Variants in MMS22L observed in about 807,000 individuals in gnomAD.
MMS22L encodes protein MMS22-like.
A neutral mutation model predicts 159.1 loss-of-function variants in MMS22L; 74 were observed. The ratio of observed to expected loss-of-function variants is 0.47; its 90% CI spans 0.39 to 0.56. MMS22L has a LOEUF of 0.56. MMS22L is among the 20% of genes least tolerant of loss of function. The pLI is 0.00. For synonymous variants in MMS22L, 517 were observed against 506.9 expected, an observed-to-expected ratio of 1.02 and a Z score of -0.27; for missense variants, 1,351 against 1,422.1, an observed-to-expected ratio of 0.95 and a Z score of 0.80.
At chr6:97,152,699 C>T (rs189664998) in intron 22 of MMS22L, among the ~76,000 whole-genome samples, 8 of 151,964 alleles carry the variant, frequency 5.3e-5, no homozygotes, top group Non-Finnish European at 1.2e-4. Flanking sequence ...CGATGAGGCT[C>T]GTGGCTAAGG....
intron 13 of MMS22L, among the ~76,000 whole-genome samples, chr6:97,229,748 T>C (rs1466841334): frequency 6.6e-6 from 1 of 152,198 alleles, no homozygotes; most frequent in Admixed American, 6.5e-5. Flanking sequence ...AAAGAATATA[T>C]AATCTTTTAA....
At chr6:97,245,882 C>G (rs1812575326) in intron 11 of MMS22L, 1 of 197,432 alleles carries the variant, frequency 5.1e-6, no homozygotes, top group African/African-American at 2.7e-5. Context: ...CACACACACA[C>G]ACACACACAT....
chr6:97,195,178 G>C (rs969267162), intron 14 of MMS22L, among the ~76,000 whole-genome samples: 2 of 152,154 alleles, frequency 1.3e-5, no homozygotes, highest in Admixed American at 6.5e-5. Flanking sequence ...CAGGTATATG[G>C]GGAAGAATAT....
At chr6:97,231,717 T>G (rs1484434351) in intron 12 of MMS22L, 65 bp from the exon 13 acceptor site, 4 of 1,177,272 alleles carry the variant, frequency 3.4e-6, no homozygotes, top group Non-Finnish European at 4.9e-6. Context: ...AATGGTAAGC[T>G]GCAAATCCCA....
chr6:97,273,994 C>A (rs1039978475), intron 4 of MMS22L, among the ~76,000 whole-genome samples: 1 of 152,124 alleles, frequency 6.6e-6, no homozygotes, highest in Non-Finnish European at 1.5e-5. Flanking sequence ...AAGCTCTGAA[C>A]GACCTTTTAA....
At chr6:97,207,921 G>A (rs980566519) in intron 14 of MMS22L, among the ~76,000 whole-genome samples, 1 of 152,046 alleles carries the variant, frequency 6.6e-6, no homozygotes, top group African/African-American at 2.4e-5. Flanking sequence ...ATATCCTTAG[G>A]GTGATAAGGT....
At chr6:97,196,202 A>T (rs1017776986) in intron 14 of MMS22L, among the ~76,000 whole-genome samples, 14 of 152,180 alleles carry the variant, frequency 9.2e-5, no homozygotes, top group African/African-American at 3.4e-4. Flanking sequence ...CTTTCAAAGA[A>T]TGTACAGTTA....
At chr6:97,148,491 A>G (rs996213948) in intron 24 of MMS22L, among the ~76,000 whole-genome samples, 1 of 152,054 alleles carries the variant, frequency 6.6e-6, no homozygotes, top group Admixed American at 6.6e-5. Flanking sequence ...GAGGTGGAAG[A>G]CAGTGATGTT....
At chr6:97,228,805 A>G in intron 14 of MMS22L, 89 bp downstream of exon 14, 1 of 1,239,808 alleles carries the variant, frequency 8.1e-7, no homozygotes. Context: ...GTGTATTTGT[A>G]TATATGCATA....
At position 97,181,960 on chromosome 6, in the gene MMS22L, A is replaced by G; in HGVS notation, c.2328T>C (p.Asp776=). 1 of 1,613,830 alleles carries G rather than the reference A, an allele frequency of 6.2e-7. No homozygotes were observed. The highest frequency in any genetic ancestry group is 8.5e-7 in the Non-Finnish European group (1 of 1,179,786). ...CTACAACTTGAGGGCAGATGATATCATCCCAACCAAAAAGTTGAATAATTG... is the reference window on the plus strand; with the variant it reads ...CTACAACTTGAGGGCAGATGATATCGTCCCAACCAAAAAGTTGAATAATTG... ...VISIIQLFGW[D]DIICPQVVAR... Residue 776 remains aspartate, a synonymous_variant, in exon 16 of 25, where the codon GAT becomes GAC. Transcript: ENST00000683635.
At chr6:97,223,082 A>T (rs1019469823) in intron 14 of MMS22L, among the ~76,000 whole-genome samples, 1 of 152,112 alleles carries the variant, frequency 6.6e-6, no homozygotes, top group Non-Finnish European at 1.5e-5. Flanking sequence ...ATCAGCAATA[A>T]AGAATGCTCT....
rs768300995 is a variant in MMS22L, at chr6:97,151,845, G to T, written c.3408C>A (p.Asn1136Lys). 4 of 1,613,562 alleles carry T rather than the reference G, an allele frequency of 2.5e-6. No individual in the cohort carries two copies. The highest frequency in any genetic ancestry group is 3.4e-6 in the Non-Finnish European group (4 of 1,179,640). ...EPQVKRLATE[N>K]LQYMVKACQV... ...GGCAGGCTTTTACCATGTATTGCAG[G>T]TTCTCTGTGGCCAGCCTTTTAACTA... The change falls in exon 23 of 25, where the codon AAC becomes AAA. Residue 1136 changes from asparagine (N) to lysine (K), a missense_variant. Physicochemically the swap from Asn to Lys is moderately conservative, Grantham distance 94. Transcript: ENST00000683635.
chr6:97,232,656 C>T (rs1314477390), intron 12 of MMS22L, among the ~76,000 whole-genome samples: 5 of 152,172 alleles, frequency 3.3e-5, no homozygotes, highest in East Asian at 3.9e-4. Flanking sequence ...TCTGGTATGA[C>T]AAGACACCCT....
chr6:97,254,838 A>G, intron 9 of MMS22L, 105 bp from the exon 10 acceptor site: 1 of 833,002 alleles, frequency 1.2e-6, no homozygotes, highest in East Asian at 2.9e-5. Context: ...AAAAGACAAA[A>G]CACATATATA....
chr6:97,278,790 G>A lies in MMS22L; in HGVS notation c.340+59C>T. The A allele has an allele frequency of 6.4e-6, 9 of 1,399,308 alleles. No individual in the cohort carries two copies. The South Asian group carries it at 9.7e-5, about 15-fold the overall frequency. 86.7% of individuals were successfully genotyped at this position (1,399,308 alleles called of 1,614,324 possible). A position where few individuals can be genotyped will look rare whatever the true frequency, so the allele number is the denominator to read the frequency against. ...GCCAATTATACCATCATGGACCCAT[G>A]TGCAACTCACTATAATGAAGCACCA... On this transcript the variant is annotated intron_variant, in intron 4 of 24. Transcript: ENST00000683635.
Position 97,263,318 on chromosome 6 carries a change from T to A in MMS22L, c.942+17A>T. 1 of 1,451,758 alleles carries A rather than the reference T, an allele frequency of 6.9e-7. No homozygotes were observed. Among genetic ancestry groups the A allele is most frequent in the Non-Finnish European group, 9.5e-7 (1 of 1,048,872 alleles). 89.9% of individuals were successfully genotyped at this position (1,451,758 alleles called of 1,614,324 possible). A position where few individuals can be genotyped will look rare whatever the true frequency, so the allele number is the denominator to read the frequency against. The stretch of plus-strand genomic sequence containing the variant: ...AAGGTTAGTAACAATAACCAACACA[T>A]CAATTTTCCAACTTACTTCCGAGAC... On this transcript the variant is annotated intron_variant, in intron 9 of 24. Coordinates refer to ENST00000683635, the MANE Select transcript of MMS22L (RefSeq NM_001350599.2).
intron 14 of MMS22L, among the ~76,000 whole-genome samples, chr6:97,215,017 C>A (rs1024543599): frequency 2.0e-5 from 3 of 149,916 alleles, no homozygotes; most frequent in Admixed American, 6.6e-5. Context: ...ATGGATTAAT[C>A]CTTGGTTCAC....
intron 11 of MMS22L, among the ~76,000 whole-genome samples, chr6:97,238,561 G>A (rs201570874): frequency 3.2e-5 from 4 of 125,946 alleles, no homozygotes; most frequent in East Asian, 5.4e-4. Flanking sequence ...GGCTCTCAGC[G>A]TGTCTCATCT....
chr6:97,149,036 T>A (rs962160106), intron 24 of MMS22L, among the ~76,000 whole-genome samples: 6 of 152,218 alleles, frequency 3.9e-5, no homozygotes, highest in African/African-American at 1.4e-4. Context: ...TACAGTAACA[T>A]GTTATACAAG....
Sources: gnomAD v4.1 joint callset for allele counts (sites outside exome capture counted in the v4.1 genomes callset) on GRCh38, gnomAD v4.1.1 for gene constraint, MANE v1.5 for transcripts, NCBI Gene and HGNC (gene_info 2026-07-23, HGNC 2026-07-21) for gene names.